The following UGT1A5 variants were observed in gnomAD, a reference collection of about 807,000 sequenced individuals.
The protein encoded by UGT1A5 is UDP-glucuronosyltransferase 1A5.
UGT1A5 carries 29 observed loss-of-function variants against 40.3 expected under a neutral mutation model. That is an observed-to-expected ratio of 0.72 (90% CI 0.54 to 0.98). UGT1A5 has a LOEUF of 0.98. Among genes scored for constraint, UGT1A5 ranks in the 50% least tolerant of loss-of-function variants. The pLI, the probability that UGT1A5 is intolerant of heterozygous loss-of-function variation, is 0.00. For synonymous variants in UGT1A5, 257 were observed against 262.5 expected (o/e 0.98, Z 0.20); for missense variants, 678 against 677.9 (o/e 1.00, Z 0.00).
At position 233,713,233 on chromosome 2, in the gene UGT1A5, C is replaced by G; in HGVS notation, c.242C>G (p.Ala81Gly). Residue 81 changes from alanine to glycine, a missense_variant, in exon 1 of 5, where the codon GCC (alanine) becomes GGC (glycine). Transcript: ENST00000373414. The part of the protein sequence containing the change: ...EENFFTLTTY[A>G]ISWTQDEFDR... Reference sequence around the variant, plus strand: ...AACTTTTTCACCCTGACAACGTATGCCATTTCATGGACCCAGGACGAATTT... The same window carrying G: ...AACTTTTTCACCCTGACAACGTATGGCATTTCATGGACCCAGGACGAATTT... 1 of 1,614,226 alleles carries G rather than the reference C, an allele frequency of 6.2e-7. No homozygotes were observed. The highest frequency in any genetic ancestry group is 8.5e-7 in the Non-Finnish European group (1 of 1,180,040).
chr2:233,729,271 C>A, intron 1 of UGT1A5: 1 of 1,614,166 alleles, frequency 6.2e-7, no homozygotes, highest in Non-Finnish European at 8.5e-7. Context: ...GGAGGTCTTG[C>A]GGGAGCTCCA....
At chr2:233,754,555 A>G in intron 1 of UGT1A5, 1 of 389,272 alleles carries the variant, frequency 2.6e-6, no homozygotes, top group South Asian at 1.9e-5. Flanking sequence ...CTTGGTGTCA[A>G]TGGGGAGCAA....
rs34757826 is a variant in UGT1A5, at chr2:233,757,460, G to C, written c.868-9574G>C. 9.5e-3 allele frequency among the ~76,000 whole-genome samples: 1,419 copies of C among 149,430 alleles called. 20 individuals carry two copies. The highest frequency in any genetic ancestry group is 0.033 in the African/African-American group (1,351 of 40,382). On this transcript the variant is annotated intron_variant, in intron 1 of 4. Coordinates refer to ENST00000373414, the MANE Select transcript of UGT1A5 (RefSeq NM_019078.2). ...TTCTATACAGAAACATGTCCAGAGC[G>C]CTTACTGTCTCCAAAACCATGGACT... is the stretch of plus-strand genomic sequence containing the variant.
rs1406835631 is a variant in UGT1A5 at position 233,768,368 on chromosome 2, G to T, written c.1236G>T (p.Val412=). The T allele has an allele frequency of 6.2e-7, 1 of 1,614,116 alleles. No individual in the cohort carries two copies. The highest frequency in any genetic ancestry group is 2.2e-5 in the East Asian group (1 of 44,876). Residue 412 remains valine, a synonymous_variant, in exon 4 of 5, where the codon GTG becomes GTT. Coordinates refer to ENST00000373414, the MANE Select transcript of UGT1A5 (RefSeq NM_019078.2). ...AKRMETKGAG[V]TLNVLEMTSE... ...GCATGGAGACTAAGGGAGCTGGAGT[G>T]ACCCTGAATGTTCTGGAAATGACTT...
intron 1 of UGT1A5, among the ~76,000 whole-genome samples, chr2:233,749,024 T>C (rs1310542743): frequency 6.6e-6 from 1 of 151,748 alleles, no homozygotes; most frequent in East Asian, 1.9e-4. Flanking sequence ...CCAGAATATT[T>C]GGGGTTCATT....
At chr2:233,717,510 G>T (rs1057270188) in intron 1 of UGT1A5, among the ~76,000 whole-genome samples, 6 of 152,198 alleles carry the variant, frequency 3.9e-5, no homozygotes, top group Admixed American at 3.9e-4. Context: ...ATTTCTAATG[G>T]GAGTAACTTC....
chr2:233,736,955 C>T (rs954996490), intron 1 of UGT1A5, among the ~76,000 whole-genome samples: 6 of 152,190 alleles, frequency 3.9e-5, no homozygotes, highest in African/African-American at 1.2e-4. Context: ...TCTGTTGGCC[C>T]CTACTGGGAG....
intron 1 of UGT1A5, among the ~76,000 whole-genome samples, chr2:233,716,383 A>G (rs2076502558): frequency 6.6e-6 from 1 of 152,184 alleles, no homozygotes; most frequent in African/African-American, 2.4e-5. Flanking sequence ...TCTGCCTACC[A>G]CAGACACTAA....
At chr2:233,742,287 T>C (rs1415995429) in intron 1 of UGT1A5, among the ~76,000 whole-genome samples, 2 of 152,000 alleles carry the variant, frequency 1.3e-5, no homozygotes, top group East Asian at 1.9e-4. Context: ...ATCATTTCTA[T>C]AGATTATAGA....
At chr2:233,765,208 G>A (rs1325678271) in intron 1 of UGT1A5, among the ~76,000 whole-genome samples, 1 of 152,250 alleles carries the variant, frequency 6.6e-6, no homozygotes, top group South Asian at 2.1e-4. Flanking sequence ...AGTGCCCTCA[G>A]TATTCTTTGC....
intron 1 of UGT1A5, among the ~76,000 whole-genome samples, chr2:233,741,179 T>C (rs1691582575): frequency 6.6e-6 from 1 of 151,930 alleles, no homozygotes; most frequent in Non-Finnish European, 1.5e-5. Flanking sequence ...AAACTGAACT[T>C]GTGTTTGCTT....
rs1262526604 is a variant in UGT1A5 at position 233,713,814 on chromosome 2, T to C, written c.823T>C (p.Phe275Leu). The change falls in exon 1 of 5, where the codon TTC becomes CTC. Residue 275 changes from phenylalanine (F) to leucine (L), a missense_variant. Transcript: ENST00000373414. Reference sequence around the variant, plus strand: ...CAGGCCGATCATGCCCAACATGGTCTTCATTGGGGGCATCAACTGTGCCAA... The same window carrying C: ...CAGGCCGATCATGCCCAACATGGTCCTCATTGGGGGCATCAACTGTGCCAA... ...YPRPIMPNMV[F>L]IGGINCANGK... is the part of the protein sequence containing the mutation. 6.2e-7 allele frequency: 1 copy of C among 1,614,102 alleles called. No individual in the cohort carries two copies. The highest frequency in any genetic ancestry group is 1.1e-5 in the South Asian group (1 of 91,070).
intron 1 of UGT1A5, among the ~76,000 whole-genome samples, chr2:233,744,802 A>T (rs1263878691): frequency 6.6e-6 from 1 of 151,904 alleles, no homozygotes; most frequent in Non-Finnish European, 1.5e-5. Context: ...GGGGATCCCT[A>T]GGATTTCCTG....
chr2:233,719,283 A>C (rs760908491), intron 1 of UGT1A5: 35 of 1,613,936 alleles, frequency 2.2e-5, no homozygotes, highest in Admixed American at 5.0e-5. Flanking sequence ...AGACCCCGTT[A>C]ACCTCTGTGG....
rs1233406017 is a variant in UGT1A5 at position 233,718,946 on chromosome 2, CA to C, written c.867+5089del. 88 of 1,614,072 alleles carry C rather than the reference CA, an allele frequency of 5.5e-5. No homozygotes were observed. In the East Asian group the frequency reaches 1.6e-3, roughly 29 times the overall value. ...TGCCCACTGATGGCAGCCCCTGGCT[CA>C]GCATGCGGGAGGCCTTGCGGGAGCT... On this transcript the variant is annotated intron_variant, in intron 1 of 4. Transcript: ENST00000373414.
At position 233,764,416 on chromosome 2, in the gene UGT1A5, C is replaced by A. The variant is rs559795881; in HGVS notation, c.868-2618C>A. ...GACAACTTCTCTGCAGTTTGCCCTGCGTGAATCTCCAGATGAACTTTTGTG... is the reference window on the plus strand; with the variant it reads ...GACAACTTCTCTGCAGTTTGCCCTGAGTGAATCTCCAGATGAACTTTTGTG... On this transcript the variant is annotated intron_variant, in intron 1 of 4. Transcript: ENST00000373414. Among the ~76,000 whole-genome samples, 6 of 152,272 alleles carry A rather than the reference C, an allele frequency of 3.9e-5. No individual in the cohort carries two copies. In the South Asian group the frequency reaches 8.3e-4, roughly 21 times the overall value.
chr2:233,729,648 G>A lies in UGT1A5; in HGVS notation c.867+15790G>A, dbSNP rs777442066. 3.1e-6 allele frequency: 5 copies of A among 1,613,800 alleles called. No homozygotes were observed. In the South Asian group the frequency reaches 5.5e-5, roughly 18 times the overall value. On this transcript the variant is annotated intron_variant, in intron 1 of 4. Coordinates refer to ENST00000373414, the MANE Select transcript of UGT1A5 (RefSeq NM_019078.2). ...CGATTCCTACTGTGTTTTTTTTGAG[G>A]AACATTCCATGTGATTTAGACTTTA... is the stretch of plus-strand genomic sequence containing the variant.
chr2:233,733,760 A>C (rs2078435116), intron 1 of UGT1A5, among the ~76,000 whole-genome samples: 1 of 152,132 alleles, frequency 6.6e-6, no homozygotes, highest in Non-Finnish European at 1.5e-5. Flanking sequence ...ATTTGTCTAA[A>C]ATTTTCTTTT....
At chr2:233,747,501 A>G in intron 1 of UGT1A5, 1 of 1,608,354 alleles carries the variant, frequency 6.2e-7, no homozygotes, top group East Asian at 2.2e-5. Context: ...GCTGGGCCAC[A>G]CTCAACTGTA....
Sources: allele counts gnomAD v4.1 joint callset (sites outside exome capture counted in the v4.1 genomes callset), GRCh38; gene constraint gnomAD v4.1.1; transcripts MANE v1.5; gene names NCBI Gene and HGNC (gene_info 2026-07-23, HGNC 2026-07-21).